The following TRIM24 variants were observed in gnomAD, a reference collection of about 807,000 sequenced individuals.
TRIM24 encodes the protein transcription intermediary factor 1-alpha.
A neutral mutation model predicts 123.9 loss-of-function variants in TRIM24; 29 were observed. The observed-to-expected ratio is 0.23, with a 90% confidence interval of 0.17 to 0.32. The LOEUF (loss-of-function observed/expected upper bound fraction) is 0.32, where lower values mean the gene tolerates loss of function less well. TRIM24 is among the 10% of genes least tolerant of loss of function. TRIM24 has a pLI of 1.00. For missense variants in TRIM24, 932 were observed against 1,295.3 expected (o/e 0.72, Z 4.31); for synonymous variants, 456 against 461.1 (o/e 0.99, Z 0.14).
rs553100003 is a variant in TRIM24, at chr7:138,507,638, T to C, written c.483+3230T>C. On this transcript the variant is annotated intron_variant, in intron 2 of 18. Coordinates refer to ENST00000343526, the MANE Select transcript of TRIM24 (RefSeq NM_015905.3). ...GCATCCGGCCTCATCTGTAAATATT[T>C]TGGTATGTACTTCAGTAAAATATTT... is the stretch of plus-strand genomic sequence containing the variant. 2.6e-5 allele frequency among the ~76,000 whole-genome samples: 4 copies of C among 152,340 alleles called. No homozygotes were observed. The South Asian group carries it at 8.3e-4, about 32-fold the overall frequency.
intron 15 of TRIM24, among the ~76,000 whole-genome samples, chr7:138,580,265 C>T (rs1042810650): frequency 1.3e-5 from 2 of 151,998 alleles, no homozygotes; most frequent in African/African-American, 4.8e-5. Flanking sequence ...TTCAATTATG[C>T]CCTAGATATG....
chr7:138,576,408 C>A lies in TRIM24; in HGVS notation c.2050C>A (p.Arg684Ser). 6.2e-7 allele frequency: 1 copy of A among 1,613,856 alleles called. No homozygotes were observed. The change falls in exon 13 of 19, where the codon CGT (arginine) becomes AGT (serine). Residue 684 changes from arginine (R) to serine (S), a missense_variant. Arg to Ser is a moderately radical substitution (Grantham distance 110, BLOSUM62 -1). Around this residue, in one of 7 missense-constraint regions of TRIM24, gnomAD observed 527 missense variants for 691.3 expected, o/e 0.76. Coordinates refer to ENST00000343526, the MANE Select transcript of TRIM24 (RefSeq NM_015905.3). ...TATGACTAGTGTACACCCCCCAATA[C>A]GTTCACCTAGTGCCTCCAGCGTTGG... ...VTMTSVHPPI[R>S]SPSASSVGSR...
chr7:138,468,924 G>A (rs987884546), intron 1 of TRIM24, among the ~76,000 whole-genome samples: 9 of 152,162 alleles, frequency 5.9e-5, no homozygotes, highest in Non-Finnish European at 1.2e-4. Flanking sequence ...ATTGGCTGTA[G>A]CTCCATGAAC....
In TRIM24 at chr7:138,554,667, CTG is replaced by C; in HGVS notation, c.1262-29_1262-28del. ...GATATTTCACCAACTATCTGAAAAACTGTTTCCCTTAACCTTTTCTTTTTAAT... is the reference window on the plus strand; with the variant it reads ...GATATTTCACCAACTATCTGAAAAACTTTCCCTTAACCTTTTCTTTTTAAT... On this transcript the variant is annotated intron_variant, in intron 8 of 18. Transcript: ENST00000343526. This position sits in a 1 kb window ranked among gnomAD's most constrained non-coding sequence, Gnocchi z 4.5. 6.3e-7 allele frequency: 1 copy of C among 1,585,468 alleles called. No homozygotes were observed. Among genetic ancestry groups the C allele is most frequent in the Non-Finnish European group, 8.6e-7 (1 of 1,164,784 alleles).
intron 1 of TRIM24, among the ~76,000 whole-genome samples, chr7:138,466,983 G>T (rs1053161331): frequency 2.6e-5 from 4 of 152,074 alleles, no homozygotes; most frequent in Non-Finnish European, 4.4e-5. Context: ...TGAGGTTGAG[G>T]TTCATTTTTT....
intron 2 of TRIM24, among the ~76,000 whole-genome samples, chr7:138,508,697 G>GCGCA (rs1584707850): frequency 9.1e-6 from 1 of 110,200 alleles, no homozygotes; most frequent in Admixed American, 8.9e-5. Flanking sequence ...GTGTGTGCGC[G>GCGCA]CGCGTGTGTG....
intron 11 of TRIM24, among the ~76,000 whole-genome samples, chr7:138,572,959 G>T (rs946711987): frequency 2.0e-5 from 3 of 152,196 alleles, no homozygotes; most frequent in Admixed American, 2.0e-4. Flanking sequence ...ATTCAGTGAG[G>T]TTAGTGCTGT....
At chr7:138,515,129 T>C (rs1321690365) in intron 2 of TRIM24, 83 bp from the exon 3 acceptor site, 4 of 1,366,766 alleles carry the variant, frequency 2.9e-6, no homozygotes, top group Non-Finnish European at 3.9e-6. Flanking sequence ...CCTGGTACAA[T>C]TGGTGTATCA....
intron 1 of TRIM24, among the ~76,000 whole-genome samples, chr7:138,477,057 C>G (rs373541775): frequency 6.5e-5 from 3 of 46,400 alleles, no homozygotes; most frequent in African/African-American, 2.7e-4. Flanking sequence ...CCCTTTGTGT[C>G]TCTGTGTGTG....
chr7:138,571,593 T>TGAA (rs1797657588), intron 11 of TRIM24, among the ~76,000 whole-genome samples: 1 of 152,116 alleles, frequency 6.6e-6, no homozygotes, highest in African/African-American at 2.4e-5. Flanking sequence ...TCAGAAGAGA[T>TGAA]GAAGACAAGT....
intron 14 of TRIM24, among the ~76,000 whole-genome samples, 193 bp downstream of exon 14, chr7:138,577,781 CAGATATGGAGGCTGGGCAG>C (rs1474484037): frequency 6.6e-6 from 1 of 151,934 alleles, no homozygotes; most frequent in African/African-American, 2.4e-5. Context: ...ATCAGAGGCT[CAGATATGGAGGCTGGGCAG>C]TTAAAAGGAG....
intron 7 of TRIM24, among the ~76,000 whole-genome samples, chr7:138,540,784 G>T (rs890893497): frequency 3.3e-5 from 5 of 152,162 alleles, no homozygotes; most frequent in Non-Finnish European, 5.9e-5. Flanking sequence ...ACTTTGCCCA[G>T]ATCCATCAGA....
At chr7:138,532,294 C>G (rs1327299250) in intron 6 of TRIM24, among the ~76,000 whole-genome samples, 1 of 152,044 alleles carries the variant, frequency 6.6e-6, no homozygotes, top group African/African-American at 2.4e-5. Flanking sequence ...CTTGCCCATG[C>G]CTATTTCCTG....
chr7:138,484,181 C>G (rs191219308), intron 1 of TRIM24, among the ~76,000 whole-genome samples: 6 of 151,054 alleles, frequency 4.0e-5, no homozygotes, highest in Admixed American at 2.6e-4. Flanking sequence ...GCGATCTTGT[C>G]TCACCTCAAC....
chr7:138,528,685 A>G (rs1796662849), intron 5 of TRIM24, among the ~76,000 whole-genome samples: 1 of 151,970 alleles, frequency 6.6e-6, no homozygotes, highest in African/African-American at 2.4e-5. Context: ...CTAAGAAAAG[A>G]GTGTCACATA....
intron 1 of TRIM24, among the ~76,000 whole-genome samples, chr7:138,463,633 CAT>C (rs1423034845): frequency 2.0e-5 from 3 of 152,142 alleles, no homozygotes; most frequent in Non-Finnish European, 4.4e-5. Flanking sequence ...CTGGCCATGA[CAT>C]ATGGACTTGA....
At chr7:138,572,249 C>T (rs1194406611) in intron 11 of TRIM24, among the ~76,000 whole-genome samples, 2 of 152,106 alleles carry the variant, frequency 1.3e-5, no homozygotes, top group Non-Finnish European at 2.9e-5. Context: ...AAACTTACAT[C>T]TAATCCCCAT....
intron 2 of TRIM24, among the ~76,000 whole-genome samples, chr7:138,508,710 T>TGTGC (rs746170492): frequency 2.1e-5 from 2 of 96,238 alleles, no homozygotes; most frequent in Admixed American, 1.3e-4. Flanking sequence ...CGTGTGTGCG[T>TGTGC]GTGTGTGTGC....
chr7:138,521,575 C>T (rs1409001259), intron 4 of TRIM24, among the ~76,000 whole-genome samples: 1 of 152,024 alleles, frequency 6.6e-6, no homozygotes, highest in African/African-American at 2.4e-5. Context: ...TATAATGAGA[C>T]CTTGGTAAGT....
Sources: gnomAD v4.1 joint callset for allele counts (sites outside exome capture counted in the v4.1 genomes callset) on GRCh38, gnomAD v4.1.1 for gene constraint, gnomAD v4.1.1 regional missense constraint, Gnocchi (gnomAD v3.1) non-coding constraint, MANE v1.5 for transcripts, NCBI Gene and HGNC (gene_info 2026-07-23, HGNC 2026-07-21) for gene names.